Variants in EDIL3 observed in about 807,000 individuals in gnomAD.
EDIL3 encodes the protein EGF-like repeat and discoidin I-like domain-containing protein 3.
Under a neutral mutation model 67.4 loss-of-function variants are expected in EDIL3, and 37 were observed. The ratio of observed to expected loss-of-function variants is 0.55; its 90% CI spans 0.42 to 0.72. The LOEUF (loss-of-function observed/expected upper bound fraction) is 0.72. Among genes scored for constraint, EDIL3 ranks in the 30% least tolerant of loss-of-function variants. The pLI is 0.00. For synonymous variants in EDIL3, 195 were observed against 196.3 expected (o/e 0.99, Z 0.05); for missense variants, 527 against 586.3 (o/e 0.90, Z 1.04).
In EDIL3 at chr5:84,106,784, C is replaced by T. The variant is rs1166579849; in HGVS notation, c.516G>A (p.Gln172=). 3.1e-6 allele frequency: 5 copies of T among 1,612,612 alleles called. No individual in the cohort carries two copies. In the African/African-American group the frequency reaches 4.0e-5, roughly 13 times the overall value. ...LGIEGGIISN[Q]QITASSTHRA... Reference sequence around the variant, plus strand: ...GGTGAGTAGAGGAAGCTGTGATTTGCTGGTTTGATATAATTCCACCTTCAA... The same window carrying T: ...GGTGAGTAGAGGAAGCTGTGATTTGTTGGTTTGATATAATTCCACCTTCAA... The change falls in exon 6 of 11, where the codon CAG becomes CAA. Residue 172 remains glutamine, a synonymous_variant. Transcript: ENST00000296591.
chr5:84,188,857 G>A (rs1037137251), intron 3 of EDIL3, among the ~76,000 whole-genome samples: 3 of 152,008 alleles, frequency 2.0e-5, no homozygotes, highest in African/African-American at 4.8e-5. Context: ...CTCCAGAACC[G>A]TGAGAAAACA....
intron 3 of EDIL3, among the ~76,000 whole-genome samples, chr5:84,200,979 T>A (rs1297468135): frequency 6.6e-6 from 1 of 152,124 alleles, no homozygotes; most frequent in African/African-American, 2.4e-5. Context: ...GTAACTAAGC[T>A]AAGGTCACTC....
intron 9 of EDIL3, among the ~76,000 whole-genome samples, chr5:84,002,317 A>G (rs1745345980): frequency 6.6e-6 from 1 of 152,210 alleles, no homozygotes; most frequent in East Asian, 1.9e-4. Flanking sequence ...TGACACACTC[A>G]CAACTAGTAT....
At chr5:84,118,902 T>C (rs1053207833) in intron 5 of EDIL3, among the ~76,000 whole-genome samples, 8 of 152,114 alleles carry the variant, frequency 5.3e-5, no homozygotes, top group African/African-American at 1.9e-4. Flanking sequence ...TTTAAAGTTC[T>C]CAGTGATACC....
chr5:84,007,306 C>T (rs549536561), intron 9 of EDIL3, among the ~76,000 whole-genome samples: 2 of 152,090 alleles, frequency 1.3e-5, no homozygotes, highest in South Asian at 4.2e-4. Context: ...TTCTGTACAG[C>T]AAAGGAAGCA....
intron 1 of EDIL3, among the ~76,000 whole-genome samples, chr5:84,302,669 A>G (rs966414266): frequency 6.6e-6 from 1 of 152,170 alleles, no homozygotes; most frequent in African/African-American, 2.4e-5. Context: ...TTCATTTCCC[A>G]AAAATGTCCA....
chr5:84,182,684 C>T (rs35998539), intron 3 of EDIL3, among the ~76,000 whole-genome samples: 1,698 of 152,216 alleles, frequency 0.011, 21 homozygotes, highest in Non-Finnish European at 0.018. Flanking sequence ...TGAAATTCAA[C>T]GGTTGTGGAG....
At chr5:84,052,485 A>G (rs1746359361) in intron 9 of EDIL3, among the ~76,000 whole-genome samples, 1 of 152,166 alleles carries the variant, frequency 6.6e-6, no homozygotes, top group South Asian at 2.1e-4. Flanking sequence ...AAATGGGCTA[A>G]ATGCTCCAAT....
chr5:84,204,299 T>C (rs1188406837), intron 3 of EDIL3, among the ~76,000 whole-genome samples: 2 of 152,184 alleles, frequency 1.3e-5, no homozygotes, highest in Non-Finnish European at 2.9e-5. Flanking sequence ...AAACTAACAA[T>C]ATAGGACACA....
At chr5:84,020,745 A>T (rs1292011367) in intron 9 of EDIL3, among the ~76,000 whole-genome samples, 1 of 151,966 alleles carries the variant, frequency 6.6e-6, no homozygotes, top group Non-Finnish European at 1.5e-5. Context: ...ATATACATCA[A>T]TCATTTTCCT....
At chr5:84,326,447 A>C (rs1036234757) in intron 1 of EDIL3, among the ~76,000 whole-genome samples, 1 of 152,034 alleles carries the variant, frequency 6.6e-6, no homozygotes, top group East Asian at 1.9e-4. Flanking sequence ...AAATAATTCT[A>C]TAGATGGATT....
At chr5:84,256,119 A>ACTGT (rs1745118158) in intron 1 of EDIL3, among the ~76,000 whole-genome samples, 1 of 147,012 alleles carries the variant, frequency 6.8e-6, no homozygotes, top group Non-Finnish European at 1.5e-5. Flanking sequence ...TTATCATCTA[A>ACTGT]CTATCTATCT....
chr5:84,370,565 C>T (rs934726585), intron 1 of EDIL3, among the ~76,000 whole-genome samples: 3 of 152,152 alleles, frequency 2.0e-5, no homozygotes, highest in African/African-American at 7.2e-5. Context: ...CATACTTTTC[C>T]TGTCAAACCT....
intron 1 of EDIL3, among the ~76,000 whole-genome samples, chr5:84,292,131 G>GT (rs540697419): frequency 1.3e-5 from 2 of 151,868 alleles, no homozygotes; most frequent in Non-Finnish European, 2.9e-5. Flanking sequence ...GTAAATTTCT[G>GT]TTTTTTTGTT....
At chr5:84,365,141 G>C (rs1721815457) in intron 1 of EDIL3, among the ~76,000 whole-genome samples, 1 of 151,942 alleles carries the variant, frequency 6.6e-6, no homozygotes, top group South Asian at 2.1e-4. Flanking sequence ...ATTCATTTTT[G>C]AGGTATATAT....
chr5:84,288,112 G>A (rs373275734), intron 1 of EDIL3, among the ~76,000 whole-genome samples: 4 of 152,038 alleles, frequency 2.6e-5, no homozygotes, highest in Non-Finnish European at 5.9e-5. Context: ...TACTTTTCCC[G>A]TTGTCTTTCT....
intron 6 of EDIL3, among the ~76,000 whole-genome samples, chr5:84,080,872 C>A (rs985112986): frequency 2.0e-5 from 3 of 152,056 alleles, no homozygotes; most frequent in Non-Finnish European, 4.4e-5. Context: ...AGTAACTAAC[C>A]AAACACTAGT....
chr5:83,945,005 G>A lies in EDIL3; in HGVS notation c.1294-1437C>T, dbSNP rs547264104. Among the ~76,000 whole-genome samples, 8 of 151,894 alleles carry A rather than the reference G, an allele frequency of 5.3e-5. No homozygotes were observed. In the South Asian group the frequency reaches 6.2e-4, roughly 12 times the overall value. ...AGGCTAGATTGGTTCAGTCTTATAC[G>A]GCCACAAATGTTCTCCTGGAAAGAA... On this transcript the variant is annotated intron_variant, in intron 10 of 10. Transcript: ENST00000296591.
chr5:84,180,346 C>T (rs757963527), intron 4 of EDIL3, 47 bp downstream of exon 4: 8 of 1,529,282 alleles, frequency 5.2e-6, no homozygotes, highest in Admixed American at 2.1e-5. Flanking sequence ...GGCTTGTATA[C>T]TTTGTAATCA....
Sources: allele counts gnomAD v4.1 joint callset (sites outside exome capture counted in the v4.1 genomes callset), GRCh38; gene constraint gnomAD v4.1.1; transcripts MANE v1.5; gene names NCBI Gene and HGNC (gene_info 2026-07-23, HGNC 2026-07-21).